P3H3: variants seen among roughly 807,000 people sequenced by gnomAD.
P3H3 encodes gene rich cluster, B.
A neutral mutation model predicts 78.1 loss-of-function variants in P3H3; 64 were observed. That is an observed-to-expected ratio of 0.82 (90% CI 0.67 to 1.01). The LOEUF is 1.01. P3H3 is among the 50% of genes least tolerant of loss of function. The pLI is 0.00. For synonymous variants in P3H3, 425 were observed against 416.7 expected, an observed-to-expected ratio of 1.02 and a Z score of -0.24; for missense variants, 975 against 982.2, an observed-to-expected ratio of 0.99 and a Z score of 0.10.
chr12:6,836,101 G>A (rs1185832903), intron 9 of P3H3, among the ~76,000 whole-genome samples: 1 of 151,896 alleles, frequency 6.6e-6, no homozygotes, highest in Admixed American at 6.6e-5. Flanking sequence ...GCGCCTATAT[G>A]TTCCCACCTA....
chr12:6,832,361 A>AT (rs1943458028), intron 6 of P3H3, among the ~76,000 whole-genome samples: 1 of 152,082 alleles, frequency 6.6e-6, no homozygotes, highest in Admixed American at 6.5e-5. Flanking sequence ...CGCTACTGAT[A>AT]TTTTGGATCT....
At chr12:6,838,237 C>T (rs1284851369) in intron 13 of P3H3, among the ~76,000 whole-genome samples, 3 of 152,228 alleles carry the variant, frequency 2.0e-5, no homozygotes, top group East Asian at 1.9e-4. Flanking sequence ...GTATTTGTCT[C>T]GCCTCCTAAA....
At position 6,830,025 on chromosome 12, in the gene P3H3, C is replaced by A; in HGVS notation, c.651+14C>A. ...CCCCCACACTGGGTGAGAATCCCAG[C>A]ACCACCCCTGTCTTGCCACCAGCCT... On this transcript the variant is annotated intron_variant, in intron 2 of 14. Coordinates refer to ENST00000290510, the MANE Select transcript of P3H3 (RefSeq NM_014262.5). 1.2e-6 allele frequency: 2 copies of A among 1,613,442 alleles called. No homozygotes were observed. The highest frequency in any genetic ancestry group is 1.7e-6 in the Non-Finnish European group (2 of 1,179,618).
intron 6 of P3H3, among the ~76,000 whole-genome samples, 199 bp downstream of exon 6, chr12:6,832,113 C>T (rs1279045956): frequency 6.6e-6 from 1 of 152,232 alleles, no homozygotes; most frequent in Non-Finnish European, 1.5e-5. Flanking sequence ...CAGTCCTCCT[C>T]TGCCCCAAAC....
intron 9 of P3H3, among the ~76,000 whole-genome samples, chr12:6,835,848 G>A (rs1943490711): frequency 6.6e-6 from 1 of 152,124 alleles, no homozygotes; most frequent in Non-Finnish European, 1.5e-5. Context: ...AGGGTCTGGA[G>A]TCACCTGTAG....
intron 9 of P3H3, among the ~76,000 whole-genome samples, chr12:6,835,630 A>T (rs1452297298): frequency 1.3e-5 from 2 of 152,188 alleles, no homozygotes; most frequent in South Asian, 2.1e-4. Flanking sequence ...TTAATTAATT[A>T]AAAAAGAACA....
rs1371681125 is a variant in P3H3, at chr12:6,831,181, TCCC to T, written c.986-32_986-30del. On this transcript the variant is annotated intron_variant, in intron 4 of 14. Transcript: ENST00000290510. This position sits in a 1 kb window ranked among gnomAD's most constrained non-coding sequence, Gnocchi z 4.6. ...AGGATCAATGTGCTCTAAGTATTCA[TCCC>T]CCAACCCCTGACCTTGTCGCTCCCT... is the stretch of plus-strand genomic sequence containing the variant. 5 of 1,613,008 alleles carry T rather than the reference TCCC, an allele frequency of 3.1e-6. No homozygotes were observed. In the African/African-American group the frequency reaches 5.3e-5, roughly 17 times the overall value.
intron 14 of P3H3, 24 bp downstream of exon 14, chr12:6,839,164 T>A: frequency 6.3e-7 from 1 of 1,584,060 alleles, no homozygotes. Flanking sequence ...TAGGAAGGGA[T>A]GTGGTTCTCC....
chr12:6,831,969 C>A lies in P3H3; in HGVS notation c.1212+55C>A. 9.8e-7 allele frequency: 1 copy of A among 1,015,784 alleles called. No homozygotes were observed. Among genetic ancestry groups the A allele is most frequent in the Non-Finnish European group, 1.5e-6 (1 of 664,616 alleles). The allele number at this position is 1,015,784 out of a possible 1,614,324, so 62.9% of individuals were successfully genotyped here. A position where few individuals can be genotyped will look rare whatever the true frequency, so the allele number is the denominator to read the frequency against. On this transcript the variant is annotated intron_variant, in intron 6 of 14. Transcript: ENST00000290510. This position sits in a 1 kb window ranked among gnomAD's most constrained non-coding sequence, Gnocchi z 4.6. ...CCCTCCGCACTCCCAGGAGGGATGGCACTTTGGTTTGCAACAGAGTTTTCC... is the reference window on the plus strand; with the variant it reads ...CCCTCCGCACTCCCAGGAGGGATGGAACTTTGGTTTGCAACAGAGTTTTCC...
chr12:6,837,632 G>A, intron 11 of P3H3, 59 bp downstream of exon 11: 1 of 1,582,130 alleles, frequency 6.3e-7, no homozygotes, highest in Non-Finnish European at 8.6e-7. Context: ...CCAGGACACT[G>A]CCCCCAAGAG....
In P3H3 at chr12:6,829,896, CCTT is replaced by C. The variant is rs781882653; in HGVS notation, c.540_542del (p.Phe181del). On this transcript the variant is annotated inframe_deletion, in exon 2 of 15. Transcript: ENST00000290510. This position sits in a 1 kb window ranked among gnomAD's most constrained non-coding sequence, Gnocchi z 5.1. ...GATCTGGCAGCTGCGGCAGCACACA[CCTT>C]CTTTGTAGCAAACCCCATGCACCTG... The C allele has an allele frequency of 1.2e-6, 2 of 1,614,040 alleles. No homozygotes were observed. Among genetic ancestry groups the C allele is most frequent in the Non-Finnish European group, 1.7e-6 (2 of 1,179,898 alleles).
In P3H3 at chr12:6,837,957, G is replaced by GCGTC; in HGVS notation, c.1831_1832insTCCG (p.Gly611ValfsTer9). ...TGCCTCTTGCTTTTTTCCCTCCCCAGCGGACTCCTCTACCTCAACGATGAC... is the reference window on the plus strand; with the variant it reads ...TGCCTCTTGCTTTTTTCCCTCCCCAGCGTCCGGACTCCTCTACCTCAACGATGAC... On this transcript the variant is annotated frameshift_variant and splice_region_variant. Transcript: ENST00000290510. LOFTEE classifies it high-confidence loss of function. The GCGTC allele has an allele frequency of 6.2e-7, 1 of 1,604,792 alleles. No homozygotes were observed. The highest frequency in any genetic ancestry group is 8.5e-7 in the Non-Finnish European group (1 of 1,175,558).
intron 6 of P3H3, among the ~76,000 whole-genome samples, chr12:6,832,618 T>C (rs994491230): frequency 6.6e-6 from 1 of 151,956 alleles, no homozygotes. Flanking sequence ...TTTTTATTTT[T>C]GGAGACAGAG....
At chr12:6,833,670 G>C (rs1200318953) in intron 7 of P3H3, 26 bp downstream of exon 7, 1 of 1,611,726 alleles carries the variant, frequency 6.2e-7, no homozygotes, top group East Asian at 2.2e-5. Context: ...TGGTGGGAGG[G>C]GCTTGGCCCG....
Position 6,833,632 on chromosome 12 carries a change from G to T in P3H3, c.1253G>T (p.Arg418Ile). Reference sequence around the variant, plus strand: ...GCAGCTCTCATCCCTGAGGCACTTAGAGAAAAGCTCAGGTAGGATATGCCC... The same window carrying T: ...GCAGCTCTCATCCCTGAGGCACTTATAGAAAAGCTCAGGTAGGATATGCCC... ...TPAALIPEAL[R>I]EKLREDQEKR... Residue 418 changes from arginine to isoleucine, a missense_variant, in exon 7 of 15, where the codon AGA becomes ATA. Physicochemically the swap from Arg to Ile is moderately conservative, Grantham distance 97. Coordinates refer to ENST00000290510, the MANE Select transcript of P3H3 (RefSeq NM_014262.5). The T allele has an allele frequency of 1.2e-6, 2 of 1,613,906 alleles. No homozygotes were observed. Among genetic ancestry groups the T allele is most frequent in the Non-Finnish European group, 1.7e-6 (2 of 1,179,846 alleles).
In P3H3 at chr12:6,833,585, G is replaced by A; in HGVS notation, c.1213-7G>A. ...GTGGGTGATGATGCTTTTCTGGACT[G>A]TCGCAGGACCCCTGGACCCCTGCAG... is the stretch of plus-strand genomic sequence containing the variant. On this transcript the variant is annotated splice_polypyrimidine_tract_variant and splice_region_variant and intron_variant, in intron 6 of 14. Coordinates refer to ENST00000290510, the MANE Select transcript of P3H3 (RefSeq NM_014262.5). The A allele has an allele frequency of 1.2e-6, 2 of 1,613,804 alleles. No individual in the cohort carries two copies. Among genetic ancestry groups the A allele is most frequent in the Non-Finnish European group, 1.7e-6 (2 of 1,179,770 alleles).
chr12:6,835,585 G>A (rs1049734551), intron 9 of P3H3, among the ~76,000 whole-genome samples: 2 of 151,512 alleles, frequency 1.3e-5, no homozygotes, highest in South Asian at 2.1e-4. Flanking sequence ...ACTCCGCCTC[G>A]AAAAATAAAT....
chr12:6,837,232 G>A, intron 10 of P3H3, 146 bp downstream of exon 10: 1 of 983,718 alleles, frequency 1.0e-6, no homozygotes, highest in South Asian at 1.6e-5. Context: ...GGAGAAAAGG[G>A]ATGTTCTGAG....
chr12:6,828,509 C>A lies in P3H3; in HGVS notation c.69C>A (p.Pro23=), dbSNP rs782270917. ...CTCCCCCGGGGTCCCCTGAGCCCCCCGGCCTGACCCAGCTGTCCCCGGGGG... is the reference window on the plus strand; with the variant it reads ...CTCCCCCGGGGTCCCCTGAGCCCCCAGGCCTGACCCAGCTGTCCCCGGGGG... ...LLPPPGSPEP[P]GLTQLSPGAP... Residue 23 remains proline, a synonymous_variant, in exon 1 of 15, where the codon CCC becomes CCA. Transcript: ENST00000290510. 7.4e-7 allele frequency: 1 copy of A among 1,347,556 alleles called. No homozygotes were observed. The highest frequency in any genetic ancestry group is 9.6e-7 in the Non-Finnish European group (1 of 1,038,518). 83.5% of individuals were successfully genotyped at this position (1,347,556 alleles called of 1,614,324 possible).
Sources: gnomAD v4.1 joint callset for allele counts (sites outside exome capture counted in the v4.1 genomes callset) on GRCh38, gnomAD v4.1.1 for gene constraint, Gnocchi (gnomAD v3.1) non-coding constraint, MANE v1.5 for transcripts, NCBI Gene and HGNC (gene_info 2026-07-23, HGNC 2026-07-21) for gene names.